Variants in DNAH7 observed in about 807,000 individuals in gnomAD.
DNAH7 encodes the protein axonemal beta dynein heavy chain 7.
A neutral mutation model predicts 444.6 loss-of-function variants in DNAH7; 397 were observed. That is an observed-to-expected ratio of 0.89 (90% confidence interval 0.82 to 0.97). The LOEUF is 0.97. Ranked by LOEUF, DNAH7 falls within the 50% of genes least tolerant of loss-of-function variation. The pLI is 0.00. For missense variants in DNAH7, 4,902 were observed against 4,800.8 expected (o/e 1.02, Z -0.62); for synonymous variants, 1,636 against 1,624.4 (o/e 1.01, Z -0.17).
At chr2:195,810,145 G>T (rs1159149421) in intron 51 of DNAH7, among the ~76,000 whole-genome samples, 2 of 151,760 alleles carry the variant, frequency 1.3e-5, no homozygotes, top group East Asian at 1.9e-4. Context: ...TAATCTGTTA[G>T]ATTAAAAAGT....
intron 28 of DNAH7, 53 bp from the exon 29 acceptor site, chr2:195,897,818 T>C (rs1702419438): frequency 4.7e-6 from 5 of 1,056,010 alleles, no homozygotes; most frequent in African/African-American, 1.6e-5. Flanking sequence ...TAACAGCACC[T>C]ACCCGCTTCG....
intron 47 of DNAH7, among the ~76,000 whole-genome samples, chr2:195,840,407 T>C (rs1305213829): frequency 1.3e-5 from 2 of 151,706 alleles, no homozygotes; most frequent in African/African-American, 2.4e-5. Context: ...CCACATGTGA[T>C]AGTAAAAAAC....
chr2:196,029,373 T>C (rs892333085), intron 5 of DNAH7, among the ~76,000 whole-genome samples: 1 of 152,034 alleles, frequency 6.6e-6, no homozygotes, highest in Admixed American at 6.6e-5. Context: ...GAAAGATGCA[T>C]CAGGGCAAGG....
chr2:195,791,464 T>G (rs533680044), intron 57 of DNAH7, among the ~76,000 whole-genome samples: 2 of 151,702 alleles, frequency 1.3e-5, no homozygotes, highest in Non-Finnish European at 2.9e-5. Flanking sequence ...GGTAGGAATG[T>G]AAATTAATTT....
intron 57 of DNAH7, among the ~76,000 whole-genome samples, chr2:195,790,845 C>T (rs186680047): frequency 6.8e-4 from 103 of 152,158 alleles, no homozygotes; most frequent in African/African-American, 2.5e-3. Flanking sequence ...ACAAGTGAGA[C>T]CTAATTAAAC....
chr2:195,893,886 G>T (rs918544022), intron 30 of DNAH7: 1 of 151,816 alleles, frequency 6.6e-6, no homozygotes, highest in African/African-American at 2.4e-5. Flanking sequence ...GGTTCTTTTG[G>T]AGACTTTATT....
intron 5 of DNAH7, among the ~76,000 whole-genome samples, chr2:196,046,188 T>C (rs1697111634): frequency 6.6e-6 from 1 of 152,086 alleles, no homozygotes; most frequent in Non-Finnish European, 1.5e-5. Context: ...ATAAATTAAG[T>C]AGACAGGCAT....
chr2:195,909,508 T>C (rs1228425870), intron 25 of DNAH7, among the ~76,000 whole-genome samples: 1 of 152,172 alleles, frequency 6.6e-6, no homozygotes, highest in South Asian at 2.1e-4. Flanking sequence ...ACTGATTTGA[T>C]CTTTAGGAAT....
At chr2:195,771,525 A>G in intron 61 of DNAH7, 135 bp downstream of exon 61, 1 of 679,262 alleles carries the variant, frequency 1.5e-6, no homozygotes, top group Non-Finnish European at 2.5e-6. Context: ...AAGGGCAAGA[A>G]TTATTTTCTA....
Position 195,771,913 on chromosome 2 carries a change from C to T in DNAH7, c.11203-23G>A, listed in dbSNP as rs1159836824. ...AGACTATGAAGAATCCAAACTATAA[C>T]TCAAAAATCCTCATAAAGGTCTAAC... On this transcript the variant is annotated intron_variant, in intron 60 of 64. Coordinates refer to ENST00000312428, the MANE Select transcript of DNAH7 (RefSeq NM_018897.3). 1.9e-6 allele frequency: 3 copies of T among 1,597,838 alleles called. No homozygotes were observed. In the East Asian group the frequency reaches 6.7e-5, roughly 36 times the overall value.
chr2:195,747,373 G>T (rs1693489723), intron 63 of DNAH7, among the ~76,000 whole-genome samples: 1 of 152,154 alleles, frequency 6.6e-6, no homozygotes, highest in Admixed American at 6.5e-5. Flanking sequence ...AAGAGTCCAG[G>T]ACCAGACGGA....
At position 195,923,772 on chromosome 2, in the gene DNAH7, T is replaced by C; in HGVS notation, c.3648A>G (p.Gln1216=). ...LEQYLKTCNR[Q]IDDIVTLVRG... is the part of the protein sequence containing the mutation. ...GCACCAAAGTGACAATATCATCAAT[T>C]TGTCTGTTACATGTTTTCAAGTATT... Residue 1216 remains glutamine, a synonymous_variant, in exon 23 of 65, where the codon CAA becomes CAG. Coordinates refer to ENST00000312428, the MANE Select transcript of DNAH7 (RefSeq NM_018897.3). 1.2e-6 allele frequency: 2 copies of C among 1,614,148 alleles called. No individual in the cohort carries two copies. Among genetic ancestry groups the C allele is most frequent in the Non-Finnish European group, 8.5e-7 (1 of 1,180,024 alleles).
chr2:196,045,972 C>T (rs1017844771), intron 5 of DNAH7, among the ~76,000 whole-genome samples: 10 of 151,822 alleles, frequency 6.6e-5, no homozygotes, highest in African/African-American at 2.4e-4. Context: ...GATTGAATTT[C>T]AGTAAGTCCA....
chr2:196,051,327 G>C (rs987609388), intron 2 of DNAH7, 78 bp from the exon 3 acceptor site: 1 of 1,078,460 alleles, frequency 9.3e-7, no homozygotes, highest in South Asian at 1.3e-5. Flanking sequence ...AAATTTTACA[G>C]AAAGACTATT....
Position 195,905,964 on chromosome 2 carries a change from T to G in DNAH7, c.4335+695A>C, listed in dbSNP as rs1319603410. Among the ~76,000 whole-genome samples, 4 of 152,238 alleles carry G rather than the reference T, an allele frequency of 2.6e-5. No individual in the cohort carries two copies. In the East Asian group the frequency reaches 7.7e-4, roughly 29 times the overall value. ...TAAAAACTACTCATTGTGATATTAT[T>G]TATAATGCAGGAAAACTGAAAGCAC... On this transcript the variant is annotated intron_variant, in intron 27 of 64. Coordinates refer to ENST00000312428, the MANE Select transcript of DNAH7 (RefSeq NM_018897.3).
At chr2:195,971,419 A>ATGATCCCAT (rs1222785361) in intron 16 of DNAH7, among the ~76,000 whole-genome samples, 2 of 152,248 alleles carry the variant, frequency 1.3e-5, no homozygotes, top group African/African-American at 4.8e-5. Flanking sequence ...CAAGGAGCTG[A>ATGATCCCAT]TGATCCCATC....
intron 24 of DNAH7, 47 bp downstream of exon 24, chr2:195,922,041 G>A: frequency 9.4e-7 from 1 of 1,060,612 alleles, no homozygotes; most frequent in South Asian, 1.3e-5. Flanking sequence ...GTGGTACAGG[G>A]GTGAGTGAAA....
intron 48 of DNAH7, among the ~76,000 whole-genome samples, chr2:195,831,429 G>C (rs1698065023): frequency 2.0e-5 from 3 of 152,320 alleles, no homozygotes; most frequent in Non-Finnish European, 1.5e-5. Context: ...CTGCCTGTGA[G>C]GGACAATAGA....
At position 195,809,800 on chromosome 2, in the gene DNAH7, TC is replaced by T. The variant is rs1227990823; in HGVS notation, c.9832del (p.Asp3278IlefsTer9). The T allele has an allele frequency of 1.9e-6, 3 of 1,601,724 alleles. No individual in the cohort carries two copies. The East Asian group carries it at 6.8e-5, about 36-fold the overall frequency. ...TAGACAAAAGGAAAAGAGCAGCTTA[TC>T]CTTTTCAAAGAGTGACCGGCAGACA... ...VNVCRSLFEKDKLLFSFCLTI... is the reference protein window; with the variant it reads ...VNVCRSLFEKXKLLFSFCLTI... On this transcript the variant is annotated frameshift_variant, in exon 52 of 65. Coordinates refer to ENST00000312428, the MANE Select transcript of DNAH7 (RefSeq NM_018897.3). LOFTEE classifies it high-confidence loss of function.
Sources: gnomAD v4.1 joint callset for allele counts (sites outside exome capture counted in the v4.1 genomes callset) on GRCh38, gnomAD v4.1.1 for gene constraint, MANE v1.5 for transcripts, NCBI Gene and HGNC (gene_info 2026-07-23, HGNC 2026-07-21) for gene names.